The following CD2AP variants were observed in gnomAD, a reference collection of about 807,000 sequenced individuals.
CD2AP encodes CD2 associated protein.
CD2AP carries 46 observed loss-of-function variants against 85.1 expected under a neutral mutation model. The ratio of observed to expected loss-of-function variants is 0.54; its 90% CI spans 0.43 to 0.69. CD2AP has a LOEUF of 0.69. Among genes scored for constraint, CD2AP ranks in the 30% least tolerant of loss-of-function variants. The pLI is 0.00. For synonymous variants in CD2AP, 255 were observed against 252.9 expected (o/e 1.01, Z -0.08); for missense variants, 769 against 729.5 (o/e 1.05, Z -0.62).
intron 2 of CD2AP, among the ~76,000 whole-genome samples, chr6:47,517,587 G>A (rs1405401781): frequency 1.3e-5 from 2 of 152,004 alleles, no homozygotes; most frequent in Non-Finnish European, 2.9e-5. Flanking sequence ...ACCGCGCCTG[G>A]CCCTAAACCT....
At chr6:47,548,500 C>G (rs1176169651) in intron 4 of CD2AP, among the ~76,000 whole-genome samples, 2 of 152,066 alleles carry the variant, frequency 1.3e-5, no homozygotes, top group Non-Finnish European at 2.9e-5. Context: ...TTGATTAAAT[C>G]AGGAAGAATT....
At chr6:47,613,384 G>A (rs1769498560) in intron 17 of CD2AP, among the ~76,000 whole-genome samples, 2 of 152,078 alleles carry the variant, frequency 1.3e-5, no homozygotes, top group African/African-American at 4.8e-5. Context: ...CTTGATTCAT[G>A]GGCTACAGAA....
At chr6:47,610,971 A>ATATATATATATATATTTTTTTT in intron 16 of CD2AP, among the ~76,000 whole-genome samples, 8 of 112,906 alleles carry the variant, frequency 7.1e-5, no homozygotes, top group African/African-American at 2.5e-4. Context: ...ATATATATGT[A>ATATATATATATATATTTTTTTT]TTTTTTTTTT....
intron 11 of CD2AP, among the ~76,000 whole-genome samples, chr6:47,591,483 G>A (rs1562047235): frequency 1.3e-5 from 2 of 152,082 alleles, no homozygotes; most frequent in Non-Finnish European, 2.9e-5. Flanking sequence ...ATTAAGAATA[G>A]ACTCACTACT....
chr6:47,513,883 A>AT (rs1180901076), intron 2 of CD2AP, among the ~76,000 whole-genome samples: 2 of 136,322 alleles, frequency 1.5e-5, no homozygotes, highest in Non-Finnish European at 3.2e-5. Flanking sequence ...TTTAAAAAAA[A>AT]TTTTTTTTTG....
intron 1 of CD2AP, among the ~76,000 whole-genome samples, chr6:47,501,619 CT>C (rs947758199): frequency 1.4e-3 from 205 of 141,652 alleles, no homozygotes; most frequent in Admixed American, 1.6e-3. Flanking sequence ...ACTCACTTTC[CT>C]TTTTTTTTTT....
chr6:47,624,679 C>CTGTGTGTGTGTGTGTGTGTGTGTGTG lies in CD2AP; in HGVS notation c.*470_*495dup, dbSNP rs60486147. The CTGTGTGTGTGTGTGTGTGTGTGTGTG allele has an allele frequency of 8.2e-6, 1 of 121,460 alleles. No homozygotes were observed. Among genetic ancestry groups the CTGTGTGTGTGTGTGTGTGTGTGTGTG allele is most frequent in the Non-Finnish European group, 1.6e-5 (1 of 63,014 alleles). 7.5% of individuals were successfully genotyped at this position (121,460 alleles called of 1,614,324 possible). On this transcript the variant is annotated 3_prime_UTR_variant, in exon 18 of 18. Coordinates refer to ENST00000359314, the MANE Select transcript of CD2AP (RefSeq NM_012120.3). Reference sequence around the variant, plus strand: ...CCATAATGCATAAGGGATATAAACTCTGTGTGTGTGTGTGTGTGTGTGTGT... The same window carrying CTGTGTGTGTGTGTGTGTGTGTGTGTG: ...CCATAATGCATAAGGGATATAAACTCTGTGTGTGTGTGTGTGTGTGTGTGTGTGTGTGTGTGTGTGTGTGTGTGTGT...
At chr6:47,492,552 C>A (rs534858682) in intron 1 of CD2AP, among the ~76,000 whole-genome samples, 1 of 152,018 alleles carries the variant, frequency 6.6e-6, no homozygotes, top group East Asian at 1.9e-4. Context: ...TGCTATGTTG[C>A]CCAGGCTGGC....
At chr6:47,480,730 T>TG (rs1190992806) in intron 1 of CD2AP, among the ~76,000 whole-genome samples, 1 of 150,724 alleles carries the variant, frequency 6.6e-6, no homozygotes, top group Non-Finnish European at 1.5e-5. Flanking sequence ...TGTACCAACT[T>TG]GGGAAAAAAA....
chr6:47,516,930 A>G (rs1374112446), intron 2 of CD2AP, among the ~76,000 whole-genome samples: 1 of 152,192 alleles, frequency 6.6e-6, no homozygotes, highest in African/African-American at 2.4e-5. Flanking sequence ...ATTTCTGCCA[A>G]TATGAGTTAG....
At chr6:47,481,338 G>GT (rs1482456877) in intron 1 of CD2AP, among the ~76,000 whole-genome samples, 3 of 151,954 alleles carry the variant, frequency 2.0e-5, no homozygotes, top group African/African-American at 4.8e-5. Flanking sequence ...ATGTGGTGGT[G>GT]TTTTTTTGTT....
intron 2 of CD2AP, among the ~76,000 whole-genome samples, chr6:47,509,635 CT>C (rs912484843): frequency 2.5e-4 from 38 of 152,086 alleles, no homozygotes; most frequent in African/African-American, 7.5e-4. Flanking sequence ...GAATTTACTT[CT>C]TTTTTTGATC....
intron 1 of CD2AP, among the ~76,000 whole-genome samples, chr6:47,478,932 A>G (rs2113952576): frequency 6.6e-6 from 1 of 152,290 alleles, no homozygotes. Context: ...GGAGAGAAAA[A>G]TACAAGGCCT....
intron 16 of CD2AP, among the ~76,000 whole-genome samples, chr6:47,611,106 CAGG>C (rs1333990358): frequency 6.8e-5 from 10 of 146,580 alleles, no homozygotes; most frequent in Admixed American, 2.7e-4. Flanking sequence ...CTTGCATCAG[CAGG>C]AGAAGGGATA....
intron 13 of CD2AP, among the ~76,000 whole-genome samples, chr6:47,602,862 T>C (rs536294722): frequency 6.6e-6 from 1 of 152,046 alleles, no homozygotes; most frequent in East Asian, 1.9e-4. Flanking sequence ...ATCATGCCAT[T>C]GCTCTCCAGC....
intron 13 of CD2AP, among the ~76,000 whole-genome samples, chr6:47,605,626 A>G (rs1327181971): frequency 6.6e-6 from 1 of 152,062 alleles, no homozygotes; most frequent in Admixed American, 6.6e-5. Flanking sequence ...CTGTGCACAT[A>G]TATATACACA....
chr6:47,576,752 A>G (rs1768324233), intron 7 of CD2AP, 150 bp downstream of exon 7: 2 of 687,272 alleles, frequency 2.9e-6, no homozygotes, highest in Admixed American at 4.8e-5. Flanking sequence ...ATTTTGATAT[A>G]CTTTGTTGGT....
intron 2 of CD2AP, among the ~76,000 whole-genome samples, chr6:47,530,368 C>A (rs1006627932): frequency 6.6e-6 from 1 of 152,198 alleles, no homozygotes; most frequent in African/African-American, 2.4e-5. Context: ...CTGTCCATCT[C>A]TCTTTCTGTG....
At chr6:47,537,789 G>A (rs1767092724) in intron 3 of CD2AP, among the ~76,000 whole-genome samples, 1 of 151,868 alleles carries the variant, frequency 6.6e-6, no homozygotes, top group South Asian at 2.1e-4. Context: ...TATTGCTAAG[G>A]ATGAGAATTT....
Sources: allele counts gnomAD v4.1 joint callset (sites outside exome capture counted in the v4.1 genomes callset), GRCh38; gene constraint gnomAD v4.1.1; transcripts MANE v1.5; gene names NCBI Gene and HGNC (gene_info 2026-07-23, HGNC 2026-07-21).